The following FCHO2 variants were observed in gnomAD, a reference collection of about 807,000 sequenced individuals.
FCHO2 encodes FCH and mu domain containing endocytic adaptor 2.
Under a neutral mutation model 114.1 loss-of-function variants are expected in FCHO2, and 43 were observed. The ratio of observed to expected loss-of-function variants is 0.38; its 90% confidence interval spans 0.30 to 0.49. The LOEUF (loss-of-function observed/expected upper bound fraction) is 0.49. Among genes scored for constraint, FCHO2 ranks in the 20% least tolerant of loss-of-function variants. FCHO2 has a pLI of 0.97. For missense variants in FCHO2, 807 were observed against 950.4 expected, an observed-to-expected ratio of 0.85 and a Z score of 1.98; for synonymous variants, 293 against 315.2, an observed-to-expected ratio of 0.93 and a Z score of 0.75.
chr5:73,088,199 A>T lies in FCHO2; in HGVS notation c.*109A>T. The T allele has an allele frequency of 7.0e-7, 1 of 1,432,538 alleles. No individual in the cohort carries two copies. Among genetic ancestry groups the T allele is most frequent in the Non-Finnish European group, 9.6e-7 (1 of 1,036,954 alleles). 88.7% of individuals were successfully genotyped at this position (1,432,538 alleles called of 1,614,324 possible). Reference sequence around the variant, plus strand: ...TGTATGATGTCTTTCAAACTTAGACATATTTGAGAGCTGACTACAAACATT... The same window carrying T: ...TGTATGATGTCTTTCAAACTTAGACTTATTTGAGAGCTGACTACAAACATT... On this transcript the variant is annotated 3_prime_UTR_variant, in exon 26 of 26. Coordinates refer to ENST00000430046, the MANE Select transcript of FCHO2 (RefSeq NM_138782.3).
At chr5:73,028,482 A>G (rs1756057292) in intron 8 of FCHO2, among the ~76,000 whole-genome samples, 1 of 152,144 alleles carries the variant, frequency 6.6e-6, no homozygotes, top group Admixed American at 6.5e-5. Context: ...ATGTCCATTA[A>G]CAGATGAACG....
chr5:73,064,630 T>C (rs930798501), intron 18 of FCHO2, among the ~76,000 whole-genome samples: 1 of 152,078 alleles, frequency 6.6e-6, no homozygotes. Flanking sequence ...TTGACTGTTT[T>C]AGCTGAATGT....
intron 10 of FCHO2, chr5:73,037,881 T>C: frequency 3.2e-6 from 1 of 311,562 alleles, no homozygotes; most frequent in East Asian, 1.3e-4. Flanking sequence ...TACCTCAGCC[T>C]CCCAAGTAGC....
Position 73,077,342 on chromosome 5 carries a change from A to G in FCHO2, c.1696A>G (p.Ile566Val). The G allele has an allele frequency of 6.3e-7, 1 of 1,575,210 alleles. No homozygotes were observed. Among genetic ancestry groups the G allele is most frequent in the South Asian group, 1.2e-5 (1 of 85,930 alleles). ...YFKGADPTKC[I>V]VKITGDMTMS... ...TTTTCAAAATCCCTGTTTTAGGTGT[A>G]TTGTGAAGATCACTGGTGATATGAC... Residue 566 changes from isoleucine to valine, a missense_variant, in exon 21 of 26, where the codon ATT becomes GTT. Transcript: ENST00000430046.
At chr5:73,048,777 C>G (rs936535429) in intron 11 of FCHO2, among the ~76,000 whole-genome samples, 1 of 136,028 alleles carries the variant, frequency 7.4e-6, no homozygotes, top group Non-Finnish European at 1.6e-5. Flanking sequence ...AGGGGTTGTG[C>G]CAATTATTGT....
chr5:73,018,941 C>A (rs1473340221), intron 8 of FCHO2, among the ~76,000 whole-genome samples: 1 of 152,104 alleles, frequency 6.6e-6, no homozygotes, highest in African/African-American at 2.4e-5. Context: ...GAAAGTCAGC[C>A]AAGGGCAGAT....
At chr5:73,020,954 G>T in intron 8 of FCHO2, 1 of 1,595,274 alleles carries the variant, frequency 6.3e-7, no homozygotes. Flanking sequence ...TTGTTGCTTC[G>T]GCTGTTGAGT....
intron 11 of FCHO2, among the ~76,000 whole-genome samples, chr5:73,041,725 G>T (rs1756813719): frequency 6.6e-6 from 1 of 152,046 alleles, no homozygotes; most frequent in African/African-American, 2.4e-5. Context: ...AGAAATAACA[G>T]CAACAAGAAC....
At chr5:73,045,797 G>T (rs1041668494) in intron 11 of FCHO2, among the ~76,000 whole-genome samples, 10 of 152,078 alleles carry the variant, frequency 6.6e-5, no homozygotes, top group African/African-American at 2.4e-4. Context: ...AATCCATTCT[G>T]CCAATCTCTG....
chr5:73,035,830 A>G (rs541046937), intron 9 of FCHO2, among the ~76,000 whole-genome samples: 1 of 151,678 alleles, frequency 6.6e-6, no homozygotes, highest in South Asian at 2.1e-4. Flanking sequence ...AAGAGTAAAC[A>G]CCTAAGTTTT....
intron 8 of FCHO2, among the ~76,000 whole-genome samples, chr5:73,029,779 A>T (rs562515385): frequency 2.0e-5 from 3 of 152,232 alleles, no homozygotes; most frequent in Admixed American, 6.5e-5. Context: ...TTAAACAACC[A>T]GATCTTGTGT....
rs755957542 is a variant in FCHO2, at chr5:72,992,903, T to A, written c.495+2039T>A. Among the ~76,000 whole-genome samples the A allele has an allele frequency of 5.4e-4, 82 of 151,920 alleles. 2 individuals carry two copies. The highest frequency in any genetic ancestry group is 1.8e-3 in the African/African-American group (75 of 41,440). ...TCTAGGAGGTACCATTTATGTTTTATTCTATGAATGTCCAGCAGTACTGAT... is the reference window on the plus strand; with the variant it reads ...TCTAGGAGGTACCATTTATGTTTTAATCTATGAATGTCCAGCAGTACTGAT... On this transcript the variant is annotated intron_variant, in intron 5 of 25. Coordinates refer to ENST00000430046, the MANE Select transcript of FCHO2 (RefSeq NM_138782.3).
intron 1 of FCHO2, among the ~76,000 whole-genome samples, chr5:72,966,037 A>G (rs918814809): frequency 9.2e-5 from 14 of 152,200 alleles, no homozygotes; most frequent in African/African-American, 3.1e-4. Flanking sequence ...TGATTATACA[A>G]TATACAATCT....
At chr5:73,074,985 CCTG>C in intron 20 of FCHO2, 132 bp downstream of exon 20, 1 of 698,386 alleles carries the variant, frequency 1.4e-6, no homozygotes, top group Non-Finnish European at 2.3e-6. Context: ...TGTTTATTTA[CCTG>C]CTTTTTTGCT....
chr5:73,057,071 C>T (rs530812862), intron 16 of FCHO2, among the ~76,000 whole-genome samples: 108 of 151,118 alleles, frequency 7.1e-4, no homozygotes, highest in African/African-American at 2.5e-3. Flanking sequence ...ATGATCCTCC[C>T]GCCCCTGTCT....
chr5:73,059,491 TTCTA>T, intron 17 of FCHO2, among the ~76,000 whole-genome samples: 1 of 152,128 alleles, frequency 6.6e-6, no homozygotes, highest in East Asian at 1.9e-4. Context: ...AAAGCCATTG[TTCTA>T]TCTGTCACAC....
intron 8 of FCHO2, among the ~76,000 whole-genome samples, 155 bp downstream of exon 8, chr5:73,017,463 CAAAAAATGGAGTATACCT>C (rs1334762004): frequency 6.6e-6 from 1 of 151,826 alleles, no homozygotes; most frequent in Non-Finnish European, 1.5e-5. Flanking sequence ...GGAGCCAACC[CAAAAAATGGAGTATACCT>C]AAAAATTTGT....
intron 2 of FCHO2, among the ~76,000 whole-genome samples, chr5:72,988,200 G>A (rs1369762672): frequency 6.6e-6 from 1 of 152,226 alleles, no homozygotes; most frequent in Non-Finnish European, 1.5e-5. Context: ...AGCACTTTGG[G>A]AGGCTGAGTG....
intron 5 of FCHO2, 117 bp from the exon 6 acceptor site, chr5:73,006,328 T>A: frequency 1.8e-6 from 1 of 554,386 alleles, no homozygotes. Context: ...TCAAAGTTAG[T>A]TATATGTCAT....
Sources: gnomAD v4.1 joint callset for allele counts (sites outside exome capture counted in the v4.1 genomes callset) on GRCh38, gnomAD v4.1.1 for gene constraint, MANE v1.5 for transcripts, NCBI Gene and HGNC (gene_info 2026-07-23, HGNC 2026-07-21) for gene names.